The following SLC9A6 variants were observed in gnomAD, a reference collection of about 807,000 sequenced individuals.
SLC9A6 encodes solute carrier family 9 member A6, also known as sodium/hydrogen exchanger 6.
A neutral mutation model predicts 45.3 loss-of-function variants in SLC9A6; 6 were observed. The observed-to-expected ratio is 0.13, with a 90% confidence interval of 0.07 to 0.26. The LOEUF (loss-of-function observed/expected upper bound fraction) is 0.26, where lower values mean the gene tolerates loss of function less well. Ranked by LOEUF, SLC9A6 falls within the 10% of genes least tolerant of loss-of-function variation. The pLI is 1.00. For missense variants in SLC9A6, 278 were observed against 503.7 expected (o/e 0.55, Z 4.29); for synonymous variants, 191 against 187.7 (o/e 1.02, Z -0.14).
At chrX:136,006,969 C>T (rs1028580704) in intron 7 of SLC9A6, among the ~76,000 whole-genome samples, 22 of 110,519 alleles carry the variant, frequency 2.0e-4, no homozygotes, top group Non-Finnish European at 3.6e-4. Flanking sequence ...CAGGTTCAAG[C>T]GATTCTCCTG....
chrX:136,014,594 G>A (rs1030147363), intron 10 of SLC9A6, among the ~76,000 whole-genome samples: 13 of 112,617 alleles, frequency 1.2e-4, no homozygotes, highest in African/African-American at 4.2e-4. Flanking sequence ...GTGAAACCCC[G>A]TCTCTACTAA....
At chrX:136,006,811 A>G (rs1478394809) in intron 7 of SLC9A6, among the ~76,000 whole-genome samples, 1 of 111,341 alleles carries the variant, frequency 9.0e-6, no homozygotes, top group Non-Finnish European at 1.9e-5. Flanking sequence ...AACTTCACTA[A>G]TTACCAGAGA....
At chrX:136,038,074 A>G (rs1032547457) in intron 16 of SLC9A6, among the ~76,000 whole-genome samples, 18 of 111,527 alleles carry the variant, frequency 1.6e-4, no homozygotes, top group Admixed American at 1.3e-3. Flanking sequence ...GCAATGGTGA[A>G]TATAAGTGAT....
At chrX:136,039,581 T>C (rs1556622246) in intron 16 of SLC9A6, among the ~76,000 whole-genome samples, 1 of 112,049 alleles carries the variant, frequency 8.9e-6, no homozygotes, top group Non-Finnish European at 1.9e-5. Context: ...ACTTATACCA[T>C]GCAAGAGGCC....
chrX:136,040,421 G>A (rs2071488296), intron 17 of SLC9A6, among the ~76,000 whole-genome samples: 1 of 112,010 alleles, frequency 8.9e-6, no homozygotes, highest in Non-Finnish European at 1.9e-5. Context: ...ATCTTACTGT[G>A]GGTGATTTTA....
At position 135,998,441 on chromosome X, in the gene SLC9A6, T is replaced by C. The variant is rs1167320135; in HGVS notation, c.448-41T>C. 1.2e-5 allele frequency: 11 copies of C among 951,248 alleles called. No individual in the cohort carries two copies. In the African/African-American group the frequency reaches 2.3e-4, roughly 20 times the overall value. The allele number at this position is 951,248 out of a possible 1,213,427, so 78.4% of individuals were successfully genotyped here. A position where few individuals can be genotyped will look rare whatever the true frequency, so the allele number is the denominator to read the frequency against. ...GAAAACCTTTTCTTTTTCAAGTAAC[T>C]GGTAAGTATTCTAACAGTGTAACTT... On this transcript the variant is annotated intron_variant, in intron 4 of 17. Coordinates refer to ENST00000630721, the MANE Select transcript of SLC9A6 (RefSeq NM_001379110.1).
intron 7 of SLC9A6, 136 bp from the exon 8 acceptor site, chrX:136,010,306 G>T: frequency 6.1e-6 from 4 of 659,437 alleles, no homozygotes; most frequent in South Asian, 2.9e-5. Context: ...GGGTAATTTT[G>T]TCCTTATTTT....
At chrX:136,001,398 C>T (rs1034267066) in intron 6 of SLC9A6, among the ~76,000 whole-genome samples, 4 of 109,006 alleles carry the variant, frequency 3.7e-5, no homozygotes, top group East Asian at 2.8e-4. Context: ...TTTTCATGTC[C>T]GCTTGGGTTT....
intron 17 of SLC9A6, 61 bp from the exon 18 acceptor site, chrX:136,044,391 C>T (rs2071562715): frequency 9.7e-7 from 1 of 1,027,941 alleles, no homozygotes; most frequent in South Asian, 1.9e-5. Context: ...GAAAATACTC[C>T]TATTGGAAAT....
rs781843930 is a variant in SLC9A6, at chrX:136,030,147, A to G, written c.1566A>G (p.Ser522=). ...TCTCCTTTAGGGTTGGTGTTGATTCAGACCAAGAACACTTGGTAAATATGC... is the reference window on the plus strand; with the variant it reads ...TCTCCTTTAGGGTTGGTGTTGATTCGGACCAAGAACACTTGGTAAATATGC... ...FGETDRVGVD[S]DQEHLGVPEN... The change falls in exon 15 of 18, where the codon TCA becomes TCG. Residue 522 remains serine, a synonymous_variant. Transcript: ENST00000630721. The G allele has an allele frequency of 8.3e-7, 1 of 1,211,021 alleles. No individual in the cohort carries two copies. The highest frequency in any genetic ancestry group is 1.7e-5 in the African/African-American group (1 of 57,920).
chrX:136,024,929 C>T (rs1411830239), intron 13 of SLC9A6, among the ~76,000 whole-genome samples: 4 of 111,970 alleles, frequency 3.6e-5, no homozygotes, highest in African/African-American at 1.3e-4. Flanking sequence ...TTACTATTAC[C>T]GTTAACGATG....
intron 3 of SLC9A6, among the ~76,000 whole-genome samples, chrX:135,995,612 C>T (rs1556616390): frequency 8.9e-6 from 1 of 112,691 alleles, no homozygotes; most frequent in Non-Finnish European, 1.9e-5. Flanking sequence ...GCATGAGCCA[C>T]TGCGCCCAGC....
chrX:136,025,092 C>A (rs1380854466), intron 13 of SLC9A6, among the ~76,000 whole-genome samples: 3 of 112,375 alleles, frequency 2.7e-5, no homozygotes, highest in Non-Finnish European at 5.6e-5. Flanking sequence ...TGCCTTCCAC[C>A]TGCAATGTAT....
At chrX:136,006,383 A>T (rs1461329044) in intron 7 of SLC9A6, among the ~76,000 whole-genome samples, 1 of 108,081 alleles carries the variant, frequency 9.3e-6, no homozygotes, top group Non-Finnish European at 1.9e-5. Context: ...AATATGTGCC[A>T]TGGTGGTTTA....
intron 10 of SLC9A6, among the ~76,000 whole-genome samples, chrX:136,014,835 T>C (rs782029531): frequency 4.4e-5 from 5 of 112,809 alleles, no homozygotes; most frequent in African/African-American, 1.6e-4. Context: ...TGATATGATA[T>C]GAAGCTTATG....
intron 7 of SLC9A6, among the ~76,000 whole-genome samples, chrX:136,005,622 G>A (rs963229255): frequency 9.2e-6 from 1 of 108,840 alleles, no homozygotes; most frequent in Non-Finnish European, 1.9e-5. Flanking sequence ...CGGAAGTTGC[G>A]GTGACCTGAG....
At position 135,988,018 on chromosome X, in the gene SLC9A6, G is replaced by C. The variant is rs182740150; in HGVS notation, c.169+2191G>C. The stretch of plus-strand genomic sequence containing the variant: ...CTCTTTTAATTGGTCAGTCTCATAA[G>C]TCAAGGGACAAATACAGTCTTTTTA... On this transcript the variant is annotated intron_variant, in intron 2 of 17. Coordinates refer to ENST00000630721, the MANE Select transcript of SLC9A6 (RefSeq NM_001379110.1). Among the ~76,000 whole-genome samples the C allele has an allele frequency of 6.6e-3, 739 of 111,721 alleles. 3 individuals carry two copies. Among genetic ancestry groups the C allele is most frequent in the South Asian group, 0.012 (31 of 2,663 alleles).
At chrX:136,018,470 G>A (rs1408492966) in intron 11 of SLC9A6, among the ~76,000 whole-genome samples, 1 of 112,166 alleles carries the variant, frequency 8.9e-6, no homozygotes. Flanking sequence ...AATGAAAACA[G>A]AAGGACAAGA....
intron 3 of SLC9A6, among the ~76,000 whole-genome samples, chrX:135,996,987 C>T (rs782355429): frequency 9.9e-5 from 11 of 110,809 alleles, no homozygotes; most frequent in South Asian, 7.6e-4. Flanking sequence ...AGGATGGTCT[C>T]GATCTCCTGA....
Sources: allele counts gnomAD v4.1 joint callset (sites outside exome capture counted in the v4.1 genomes callset), GRCh38; gene constraint gnomAD v4.1.1; transcripts MANE v1.5; gene names NCBI Gene and HGNC (gene_info 2026-07-23, HGNC 2026-07-21).